PATZ1: variants seen among roughly 807,000 people sequenced by gnomAD.
The protein encoded by PATZ1 is POZ/BTB and AT hook containing zinc finger 1.
In PATZ1, 9 loss-of-function variants were observed where a neutral mutation model predicts 46.2. That is an observed-to-expected ratio of 0.19 (90% CI 0.12 to 0.34). The LOEUF (loss-of-function observed/expected upper bound fraction) is 0.34. Ranked by LOEUF, PATZ1 falls within the 10% of genes least tolerant of loss-of-function variation. The pLI is 1.00. For synonymous variants in PATZ1, 426 were observed against 378.6 expected, an observed-to-expected ratio of 1.13 and a Z score of -1.45; for missense variants, 632 against 923.0, an observed-to-expected ratio of 0.68 and a Z score of 4.08.
chr22:31,331,830 C>T (rs763204316), intron 3 of PATZ1, among the ~76,000 whole-genome samples: 5 of 152,122 alleles, frequency 3.3e-5, no homozygotes, highest in Non-Finnish European at 5.9e-5. Flanking sequence ...TCAATAAAAA[C>T]TTGCTGAGTT....
chr22:31,339,598 G>A (rs2145824049), intron 2 of PATZ1, among the ~76,000 whole-genome samples: 1 of 152,346 alleles, frequency 6.6e-6, no homozygotes, highest in South Asian at 2.1e-4. Flanking sequence ...ACGCTGATGG[G>A]AAGAGAGTGA....
At chr22:31,340,541 T>G in intron 2 of PATZ1, 1 of 301,526 alleles carries the variant, frequency 3.3e-6, no homozygotes, top group Non-Finnish European at 5.0e-6. Flanking sequence ...GTTGTGGCTG[T>G]AGGGCTGGAG....
chr22:31,335,627 C>G, intron 3 of PATZ1, 65 bp downstream of exon 3: 3 of 1,508,860 alleles, frequency 2.0e-6, no homozygotes, highest in Non-Finnish European at 2.7e-6. Context: ...GATTGAGACA[C>G]CCCTAGGCCT....
Position 31,327,225 on chromosome 22 carries a change from G to C in PATZ1, c.1730C>G (p.Pro577Arg). Reference protein sequence around the residue: ...DLSDASDLKTPEKQSANGSFS... With the variant: ...DLSDASDLKTREKQSANGSFS... ...AGAGCCATTGGCACTCTGCTTCTCT[G>C]GCGTCTTCAGGTCGCTGGCATCTGA... is the stretch of plus-strand genomic sequence containing the variant. The change falls in exon 5 of 5, where the codon CCA (proline) becomes CGA (arginine). Residue 577 changes from proline (P) to arginine (R), a missense_variant. Transcript: ENST00000266269. The surrounding 1 kb of genome is among the most constrained non-coding windows in gnomAD (Gnocchi z 4.2). 2 of 1,614,210 alleles carry C rather than the reference G, an allele frequency of 1.2e-6. No homozygotes were observed. Among genetic ancestry groups the C allele is most frequent in the Non-Finnish European group, 1.7e-6 (2 of 1,180,028 alleles).
In PATZ1 at chr22:31,327,316, A is replaced by G. The variant is rs975432645; in HGVS notation, c.1646-7T>C. On this transcript the variant is annotated splice_region_variant and splice_polypyrimidine_tract_variant and intron_variant, in intron 4 of 4. Transcript: ENST00000266269. The surrounding 1 kb of genome is among the most constrained non-coding windows in gnomAD (Gnocchi z 4.2). ...TGTGAGCATTTCTGGCCTTCTACGA[A>G]AAAACAAAATATAGGAGAGCGATGA... is the stretch of plus-strand genomic sequence containing the variant. 6.2e-7 allele frequency: 1 copy of G among 1,611,000 alleles called. No homozygotes were observed. The highest frequency in any genetic ancestry group is 8.5e-7 in the Non-Finnish European group (1 of 1,178,198).
intron 2 of PATZ1, among the ~76,000 whole-genome samples, chr22:31,338,495 C>T (rs542201096): frequency 1.3e-5 from 2 of 152,326 alleles, no homozygotes; most frequent in South Asian, 2.1e-4. Flanking sequence ...GTGGGCCCCA[C>T]GTCAGCCAGG....
intron 2 of PATZ1, among the ~76,000 whole-genome samples, chr22:31,338,440 T>C (rs189170583): frequency 6.9e-4 from 105 of 152,270 alleles, no homozygotes; most frequent in Non-Finnish European, 4.4e-4. Flanking sequence ...TTCCAGCATG[T>C]AGGAAGTCAG....
chr22:31,327,983 C>T lies in PATZ1; in HGVS notation c.1646-674G>A, dbSNP rs981062249. 6.6e-6 allele frequency among the ~76,000 whole-genome samples: 1 copy of T among 152,212 alleles called. No homozygotes were observed. On this transcript the variant is annotated intron_variant, in intron 4 of 4. Transcript: ENST00000266269. This position sits in a 1 kb window ranked among gnomAD's most constrained non-coding sequence, Gnocchi z 4.2. The stretch of plus-strand genomic sequence containing the variant: ...CACCCTAGGCCCCAGACAAGCTGGG[C>T]CAAGAGACAACCCTGGCTGCTCTGC...
intron 2 of PATZ1, among the ~76,000 whole-genome samples, chr22:31,337,419 CA>C (rs2049524936): frequency 6.6e-6 from 1 of 152,182 alleles, no homozygotes; most frequent in African/African-American, 2.4e-5. Context: ...AAGGAGGACT[CA>C]GGTTGGCAGG....
In PATZ1 at chr22:31,345,482, A is replaced by G; in HGVS notation, c.121T>C (p.Cys41Arg). ...NQQRKNGGRFCDVLLRVGDES... is the reference protein window; with the variant it reads ...NQQRKNGGRFRDVLLRVGDES... The stretch of plus-strand genomic sequence containing the variant: ...TCGCCTACCCGCAAGAGCACGTCGC[A>G]GAAGCGCCCGCCGTTTTTGCGCTGC... Residue 41 changes from cysteine (C) to arginine (R), a missense_variant, in exon 1 of 5, where the codon TGC (cysteine) becomes CGC (arginine). Cys to Arg is a radical substitution (Grantham distance 180). Coordinates refer to ENST00000266269, the MANE Select transcript of PATZ1 (RefSeq NM_014323.3). This position sits in a 1 kb window ranked among gnomAD's most constrained non-coding sequence, Gnocchi z 7.4. 1 of 1,612,130 alleles carries G rather than the reference A, an allele frequency of 6.2e-7. No individual in the cohort carries two copies. The highest frequency in any genetic ancestry group is 8.5e-7 in the Non-Finnish European group (1 of 1,179,578).
chr22:31,339,495 GAGACAGATCTCAAAGGGAACATCC>G (rs1288599429), intron 2 of PATZ1, among the ~76,000 whole-genome samples: 1 of 152,216 alleles, frequency 6.6e-6, no homozygotes, highest in Admixed American at 6.5e-5. Context: ...GGGGCGGAGG[GAGACAGATCTCAAAGGGAACATCC>G]AGAACTTCCA....
chr22:31,330,167 C>T (rs2145811921), intron 3 of PATZ1, among the ~76,000 whole-genome samples: 1 of 152,294 alleles, frequency 6.6e-6, no homozygotes, highest in Non-Finnish European at 1.5e-5. Context: ...GCTGCTGGAA[C>T]TGTAATAAAG....
At chr22:31,334,830 A>T (rs562128017) in intron 3 of PATZ1, among the ~76,000 whole-genome samples, 33 of 152,192 alleles carry the variant, frequency 2.2e-4, no homozygotes, top group African/African-American at 7.5e-4. Flanking sequence ...AGGCTTTCGG[A>T]AGCATTGGGA....
At chr22:31,343,854 G>T (rs1370082549) in intron 1 of PATZ1, among the ~76,000 whole-genome samples, 3 of 152,216 alleles carry the variant, frequency 2.0e-5, no homozygotes, top group Non-Finnish European at 1.5e-5. Flanking sequence ...GGCACAGCTG[G>T]AGTCTACTGA....
chr22:31,335,685 A>C lies in PATZ1; in HGVS notation c.1507+7T>G, dbSNP rs778587323. 56 of 1,612,598 alleles carry C rather than the reference A, an allele frequency of 3.5e-5. No homozygotes were observed. In the Admixed American group the frequency reaches 9.0e-4, roughly 26 times the overall value. On this transcript the variant is annotated splice_region_variant and intron_variant, in intron 3 of 4. Coordinates refer to ENST00000266269, the MANE Select transcript of PATZ1 (RefSeq NM_014323.3). Reference sequence around the variant, plus strand: ...CTCTGGAAGTGAGGAAACAGTGGGCAGATTACCTCGGTTACAGATACTGCA... The same window carrying C: ...CTCTGGAAGTGAGGAAACAGTGGGCCGATTACCTCGGTTACAGATACTGCA...
rs1336602468 is a variant in PATZ1 at position 31,345,815 on chromosome 22, C to A, written c.-213G>T. The A allele has an allele frequency of 1.5e-5, 7 of 462,520 alleles. No homozygotes were observed. The highest frequency in any genetic ancestry group is 4.5e-5 in the South Asian group (1 of 22,082). The allele number at this position is 462,520 out of a possible 1,614,324, so 28.7% of individuals were successfully genotyped here. A position where few individuals can be genotyped will look rare whatever the true frequency, so the allele number is the denominator to read the frequency against. On this transcript the variant is annotated 5_prime_UTR_variant, in exon 1 of 5. Coordinates refer to ENST00000266269, the MANE Select transcript of PATZ1 (RefSeq NM_014323.3). The surrounding 1 kb of genome is among the most constrained non-coding windows in gnomAD (Gnocchi z 7.4). ...GGTGCACCACCCCCCACATAGCCAA[C>A]CCCCGCCCTCGCTGGACTGCGCGCC...
chr22:31,339,976 C>G (rs2049559886), intron 2 of PATZ1, among the ~76,000 whole-genome samples: 1 of 152,240 alleles, frequency 6.6e-6, no homozygotes, highest in Non-Finnish European at 1.5e-5. Context: ...GTTCAGCTCC[C>G]TGGGCTCTTT....
In PATZ1 at chr22:31,326,776, T is replaced by C; in HGVS notation, c.*115A>G. The C allele has an allele frequency of 1.1e-6, 1 of 934,656 alleles. No homozygotes were observed. The highest frequency in any genetic ancestry group is 1.6e-6 in the Non-Finnish European group (1 of 632,150). 57.9% of individuals were successfully genotyped at this position (934,656 alleles called of 1,614,324 possible). Reference sequence around the variant, plus strand: ...GAGTTGGAGTGGGGTTGGGGGGCAGTTAAAAATGAATAAAAATCTCTCAGC... The same window carrying C: ...GAGTTGGAGTGGGGTTGGGGGGCAGCTAAAAATGAATAAAAATCTCTCAGC... On this transcript the variant is annotated 3_prime_UTR_variant, in exon 5 of 5. Coordinates refer to ENST00000266269, the MANE Select transcript of PATZ1 (RefSeq NM_014323.3).
At position 31,336,438 on chromosome 22, in the gene PATZ1, AAGC is replaced by A. The variant is rs143659266; in HGVS notation, c.1336-578_1336-576del. 4.5e-3 allele frequency among the ~76,000 whole-genome samples: 683 copies of A among 152,286 alleles called. 2 individuals carry two copies. Among genetic ancestry groups the A allele is most frequent in the African/African-American group, 0.016 (660 of 41,552 alleles). On this transcript the variant is annotated intron_variant, in intron 2 of 4. Coordinates refer to ENST00000266269, the MANE Select transcript of PATZ1 (RefSeq NM_014323.3). ...ATATTTTCACGAGTTTGAATTGAAA[AAGC>A]AGCCCATTAAATGATAGTGGCAATT...
Sources: gnomAD v4.1 joint callset for allele counts (sites outside exome capture counted in the v4.1 genomes callset) on GRCh38, gnomAD v4.1.1 for gene constraint, Gnocchi (gnomAD v3.1) non-coding constraint, MANE v1.5 for transcripts, NCBI Gene and HGNC (gene_info 2026-07-23, HGNC 2026-07-21) for gene names.